The following CACNA1H variants were observed in gnomAD, a reference collection of about 807,000 sequenced individuals.
CACNA1H encodes the protein voltage-dependent T-type calcium channel subunit alpha-1H.
A neutral mutation model predicts 192.5 loss-of-function variants in CACNA1H; 149 were observed. The observed-to-expected ratio is 0.77, with a 90% CI of 0.68 to 0.89. The LOEUF (loss-of-function observed/expected upper bound fraction) is 0.89. CACNA1H is among the 40% of genes least tolerant of loss of function. The probability of loss-of-function intolerance (pLI) is 0.00; values close to 1 mark genes in which losing one functional copy is unlikely to be tolerated. For synonymous variants in CACNA1H, 2,202 were observed against 1,475.2 expected, an observed-to-expected ratio of 1.49 and a Z score of -11.29; for missense variants, 4,257 against 3,423.5, an observed-to-expected ratio of 1.24 and a Z score of -6.08.
intron 27 of CACNA1H, 31 bp downstream of exon 27, chr16:1,213,962 G>C: frequency 6.3e-7 from 1 of 1,578,554 alleles, no homozygotes; most frequent in Non-Finnish European, 8.6e-7. Flanking sequence ...AGGGGCCCAG[G>C]GGCTGGGGCA....
At chr16:1,188,838 T>C (rs937048744) in intron 2 of CACNA1H, among the ~76,000 whole-genome samples, 1 of 152,000 alleles carries the variant, frequency 6.6e-6, no homozygotes, top group Non-Finnish European at 1.5e-5. Context: ...CTCCCAGCCC[T>C]GGTACATCCA....
chr16:1,210,238 A>G (rs1596454065), intron 18 of CACNA1H, 103 bp downstream of exon 18: 1 of 1,256,234 alleles, frequency 8.0e-7, no homozygotes, highest in Non-Finnish European at 1.1e-6. Flanking sequence ...GATATTTCCG[A>G]GTGGGCACCC....
chr16:1,211,393 C>A, intron 22 of CACNA1H, 88 bp from the exon 23 acceptor site: 1 of 1,605,644 alleles, frequency 6.2e-7, no homozygotes, highest in South Asian at 1.1e-5. Flanking sequence ...CGGGGAGGGA[C>A]AGCTCGGGCC....
chr16:1,200,557 A>G lies in CACNA1H; in HGVS notation c.1105A>G (p.Ile369Val). The G allele has an allele frequency of 6.2e-7, 1 of 1,612,060 alleles. No homozygotes were observed. Among genetic ancestry groups the G allele is most frequent in the East Asian group, 2.2e-5 (1 of 44,856 alleles). ...CTTCGACAACATCGGCTACGCCTGGATTGCCATCTTCCAGGTGGGCGGCAA... is the reference window on the plus strand; with the variant it reads ...CTTCGACAACATCGGCTACGCCTGGGTTGCCATCTTCCAGGTGGGCGGCAA... ...INFDNIGYAW[I>V]AIFQVITLEG... The change falls in exon 7 of 35, where the codon ATT (isoleucine) becomes GTT (valine). Residue 369 changes from isoleucine to valine, a missense_variant. By Grantham distance (29) the Ile-to-Val change is conservative. Coordinates refer to ENST00000348261, the MANE Select transcript of CACNA1H (RefSeq NM_021098.3).
In CACNA1H at chr16:1,195,612, C is replaced by A. The variant is rs1322066871; in HGVS notation, c.545+47C>A. 3.2e-6 allele frequency: 5 copies of A among 1,562,334 alleles called. No homozygotes were observed. In the Admixed American group the frequency reaches 9.5e-5, roughly 30 times the overall value. Reference sequence around the variant, plus strand: ...CCACAGCGCTGGCGAAGGGGCCCCGCCCACCCCACAGGGATCCCTGTGTCC... The same window carrying A: ...CCACAGCGCTGGCGAAGGGGCCCCGACCACCCCACAGGGATCCCTGTGTCC... On this transcript the variant is annotated intron_variant, in intron 4 of 34. Transcript: ENST00000348261.
intron 2 of CACNA1H, among the ~76,000 whole-genome samples, chr16:1,163,284 T>G (rs1963413555): frequency 6.6e-6 from 1 of 152,160 alleles, no homozygotes. Flanking sequence ...CAGGTGGGTG[T>G]CGGGCGTTGA....
At chr16:1,207,961 G>C (rs1055157745) in intron 15 of CACNA1H, 52 bp from the exon 16 acceptor site, 9 of 1,553,072 alleles carry the variant, frequency 5.8e-6, no homozygotes, top group Non-Finnish European at 7.0e-6. Flanking sequence ...GGGGATTCCT[G>C]GTCCTGGGAG....
Position 1,195,072 on chromosome 16 carries a change from A to G in CACNA1H, c.400A>G (p.Asn134Asp), listed in dbSNP as rs1211955388. The change falls in exon 3 of 35, where the codon AAC becomes GAC. Residue 134 changes from asparagine (N) to aspartate (D), a missense_variant. By Grantham distance (23) the Asn-to-Asp change is conservative. Coordinates refer to ENST00000348261, the MANE Select transcript of CACNA1H (RefSeq NM_021098.3). Reference sequence around the variant, plus strand: ...CGTTGAGTGCGGCTCCGAGCGCTGCAACATCCTGGAGGTGAGGGGCGTGGG... The same window carrying G: ...CGTTGAGTGCGGCTCCGAGCGCTGCGACATCCTGGAGGTGAGGGGCGTGGG... ...EDVECGSERC[N>D]ILEAFDAFIF... 3 of 1,602,334 alleles carry G rather than the reference A, an allele frequency of 1.9e-6. No homozygotes were observed. Among genetic ancestry groups the G allele is most frequent in the Non-Finnish European group, 2.6e-6 (3 of 1,172,536 alleles).
At chr16:1,209,775 G>T (rs1022139784) in intron 17 of CACNA1H, among the ~76,000 whole-genome samples, 1 of 152,266 alleles carries the variant, frequency 6.6e-6, no homozygotes, top group African/African-American at 2.4e-5. Context: ...CAGAGTCAGG[G>T]ACCCAAGAGC....
intron 8 of CACNA1H, among the ~76,000 whole-genome samples, chr16:1,201,035 T>A (rs1003311448): frequency 1.3e-5 from 2 of 151,990 alleles, no homozygotes; most frequent in African/African-American, 4.8e-5. Context: ...GGCTCAGGGC[T>A]GAAGAGCCAG....
intron 5 of CACNA1H, among the ~76,000 whole-genome samples, chr16:1,198,253 C>T (rs1378410937): frequency 6.7e-6 from 1 of 149,066 alleles, no homozygotes; most frequent in Non-Finnish European, 1.5e-5. Flanking sequence ...TCAGACCTGC[C>T]GCAGCCAGTT....
Position 1,201,931 on chromosome 16 carries a change from C to T in CACNA1H, c.1481C>T (p.Ala494Val). Residue 494 changes from alanine to valine, a missense_variant, in exon 9 of 35, where the codon GCT becomes GTT. Physicochemically the swap from Ala to Val is moderately conservative, Grantham distance 64. Coordinates refer to ENST00000348261, the MANE Select transcript of CACNA1H (RefSeq NM_021098.3). ...SRWRKKVDPS[A>V]VQGQGPGHRQ... is the part of the protein sequence containing the mutation. ...TGGCGCAAGAAGGTGGACCCCAGTG[C>T]TGTGCAAGGCCAGGGTCCCGGGCAC... The T allele has an allele frequency of 6.5e-7, 1 of 1,549,554 alleles. No individual in the cohort carries two copies. Among genetic ancestry groups the T allele is most frequent in the Non-Finnish European group, 8.7e-7 (1 of 1,146,640 alleles).
chr16:1,185,100 T>C (rs1287734775), intron 2 of CACNA1H, among the ~76,000 whole-genome samples: 1 of 152,224 alleles, frequency 6.6e-6, no homozygotes, highest in Non-Finnish European at 1.5e-5. Flanking sequence ...TGCGGGACTT[T>C]CCGTGTGACA....
intron 2 of CACNA1H, among the ~76,000 whole-genome samples, chr16:1,174,556 C>T (rs1033443861): frequency 3.3e-5 from 5 of 152,042 alleles, no homozygotes; most frequent in East Asian, 1.9e-4. Context: ...CTGTAGCTCT[C>T]GAAGGGAAGC....
chr16:1,210,345 C>CGCG, intron 18 of CACNA1H, 25 bp from the exon 19 acceptor site: 1 of 1,058,314 alleles, frequency 9.4e-7, no homozygotes, highest in Non-Finnish European at 1.4e-6. Flanking sequence ...CCCGCCCCAC[C>CGCG]TCTCACCCGC....
intron 33 of CACNA1H, 131 bp downstream of exon 33, chr16:1,218,782 G>A (rs903926387): frequency 8.6e-7 from 1 of 1,157,188 alleles, no homozygotes; most frequent in Non-Finnish European, 1.2e-6. Context: ...AGGAGGATGG[G>A]GGCAGGCAGG....
At chr16:1,198,470 C>T (rs1967264619) in intron 5 of CACNA1H, 145 bp from the exon 6 acceptor site, 2 of 816,664 alleles carry the variant, frequency 2.4e-6, no homozygotes, top group African/African-American at 3.4e-5. Flanking sequence ...GGAAAATCAC[C>T]AGGGGGTGGC....
rs1013617245 is a variant in CACNA1H, at chr16:1,204,749, C to A, written c.2451+291C>A. 3.2e-5 allele frequency among the ~76,000 whole-genome samples: 4 copies of A among 125,196 alleles called. No individual in the cohort carries two copies. The South Asian group carries it at 8.0e-4, about 25-fold the overall frequency. The allele number at this position is 125,196 out of a possible 152,430, so 82.1% of individuals were successfully genotyped here. A position where few individuals can be genotyped will look rare whatever the true frequency, so the allele number is the denominator to read the frequency against. On this transcript the variant is annotated intron_variant, in intron 10 of 34. Transcript: ENST00000348261. ...GTCTTGATGCAGCCAAACCTGCTCC[C>A]AGATCAGTGCCGGGGAGGGGTGGGA...
At chr16:1,181,947 C>G (rs80154524) in intron 2 of CACNA1H, among the ~76,000 whole-genome samples, 2 of 149,786 alleles carry the variant, frequency 1.3e-5, no homozygotes, top group Non-Finnish European at 1.5e-5. Flanking sequence ...CACACACGCC[C>G]CCTCGCACAC....
Sources: allele counts gnomAD v4.1 joint callset (sites outside exome capture counted in the v4.1 genomes callset), GRCh38; gene constraint gnomAD v4.1.1; transcripts MANE v1.5; gene names NCBI Gene and HGNC (gene_info 2026-07-23, HGNC 2026-07-21).